Variants in AHNAK2 observed in about 807,000 individuals in gnomAD.
The protein encoded by AHNAK2 is AHNAK nucleoprotein 2.
A neutral mutation model predicts 30.7 loss-of-function variants in AHNAK2; 18 were observed. The ratio of observed to expected loss-of-function variants is 0.59; its 90% CI spans 0.41 to 0.87. The LOEUF is 0.87. AHNAK2 is among the 40% of genes least tolerant of loss of function. The pLI is 0.00. For synonymous variants in AHNAK2, 3,590 were observed against 3,073.8 expected (o/e 1.17, Z -5.56); for missense variants, 8,604 against 7,373.0 (o/e 1.17, Z -6.11).
Position 104,949,063 on chromosome 14 carries a change from G to C in AHNAK2, c.6388C>G (p.Leu2130Val), listed in dbSNP as rs368101654. Residue 2130 changes from leucine (L) to valine (V), a missense_variant, in exon 7 of 7, where the codon CTG becomes GTG. Physicochemically the swap from Leu to Val is conservative, Grantham distance 32. Coordinates refer to ENST00000333244, the MANE Select transcript of AHNAK2 (RefSeq NM_138420.4). ...EVDVQAPRAK[L>V]DSAHLQGDLT... ...TCCCCCTGCAGATGCGCACTATCCA[G>C]CTTGGCTCTTGGGGCCTGGACGTCC... The C allele has an allele frequency of 3.2e-5, 34 of 1,067,962 alleles. 10 individuals are homozygous for C. The Admixed American group carries it at 6.6e-4, about 21-fold the overall frequency. The allele number at this position is 1,067,962 out of a possible 1,614,324, so 66.2% of individuals were successfully genotyped here. A position where few individuals can be genotyped will look rare whatever the true frequency, so the allele number is the denominator to read the frequency against.
chr14:104,948,695 C>T lies in AHNAK2; in HGVS notation c.6756G>A (p.Lys2252=), dbSNP rs368429118. The change falls in exon 7 of 7, where the codon AAG becomes AAA. Residue 2252 remains lysine (K), a synonymous_variant. Transcript: ENST00000333244. ...PSFKVPKVDL[K]GPEIDIKGPK... ...GGCCCTTGATGTCTATTTCGGGGCC[C>T]TTGAGGTCCACTTTGGGCACCTTGA... 5.0e-6 allele frequency: 8 copies of T among 1,609,816 alleles called. No homozygotes were observed. The highest frequency in any genetic ancestry group is 6.8e-6 in the Non-Finnish European group (8 of 1,178,534).
Position 104,945,194 on chromosome 14 carries a change from G to T in AHNAK2, c.10257C>A (p.Asp3419Glu). Residue 3419 changes from aspartate (D) to glutamate (E), a missense_variant, in exon 7 of 7, where the codon GAC (aspartate) becomes GAA (glutamate). Physicochemically the swap from Asp to Glu is conservative, Grantham distance 45. Transcript: ENST00000333244. ...TCACTTCCGCCTTGGGGACTTTTAG[G>T]TCCAGCTTGGGGCCCTTGATGTCCA... Reference protein sequence around the residue: ...PQVDIKGPKLDLKVPKAEVTV... With the variant: ...PQVDIKGPKLELKVPKAEVTV... 2 of 1,613,078 alleles carry T rather than the reference G, an allele frequency of 1.2e-6. No homozygotes were observed. The highest frequency in any genetic ancestry group is 1.7e-6 in the Non-Finnish European group (2 of 1,179,632).
chr14:104,953,757 A>C lies in AHNAK2; in HGVS notation c.1694T>G (p.Ile565Ser). Residue 565 changes from isoleucine to serine, a missense_variant, in exon 7 of 7, where the codon ATC becomes AGC. Physicochemically the swap from Ile to Ser is moderately radical, Grantham distance 142. Transcript: ENST00000333244. ...DGEEGLQRTR[I>S]TEEQDKGRED... ...CCTGCCCTTGTCCTGTTCCTCAGTG[A>C]TCCTTGTCCTCTGTAGTCCTTCCTC... is the stretch of plus-strand genomic sequence containing the variant. 1 of 1,613,550 alleles carries C rather than the reference A, an allele frequency of 6.2e-7. No homozygotes were observed. Among genetic ancestry groups the C allele is most frequent in the Non-Finnish European group, 8.5e-7 (1 of 1,179,836 alleles).
intron 1 of AHNAK2, among the ~76,000 whole-genome samples, chr14:104,973,031 G>A (rs1328114964): frequency 6.6e-6 from 1 of 152,246 alleles, no homozygotes; most frequent in African/African-American, 2.4e-5. Flanking sequence ...CAGCAGGCGG[G>A]TGCTGGGCAG....
At chr14:104,977,735 T>TCCCGGCGGC (rs944469831) in intron 1 of AHNAK2, among the ~76,000 whole-genome samples, 1 of 151,180 alleles carries the variant, frequency 6.6e-6, no homozygotes, top group Non-Finnish European at 1.5e-5. Flanking sequence ...GTGCCCCGGG[T>TCCCGGCGGC]CCCGGCGGCC....
At position 104,943,451 on chromosome 14, in the gene AHNAK2, G is replaced by A. The variant is rs371926103; in HGVS notation, c.12000C>T (p.Ala4000=). Residue 4000 remains alanine (A), a synonymous_variant, in exon 7 of 7, where the codon GCC becomes GCT. Transcript: ENST00000333244. Reference sequence around the variant, plus strand: ...CCTGCATGGAAGGGAGGCTCACGTCGGCCTCCACCTTTGGCGCGGTCACAT... The same window carrying A: ...CCTGCATGGAAGGGAGGCTCACGTCAGCCTCCACCTTTGGCGCGGTCACAT... ...SVDVTAPKVE[A]DVSLPSMQGD... 3.1e-4 allele frequency: 499 copies of A among 1,612,978 alleles called. 2 individuals carry two copies. The highest frequency in any genetic ancestry group is 3.9e-4 in the Non-Finnish European group (465 of 1,179,610).
chr14:104,943,997 T>C lies in AHNAK2; in HGVS notation c.11454A>G (p.Pro3818=), dbSNP rs747651838. 5.6e-6 allele frequency: 9 copies of C among 1,613,088 alleles called. No homozygotes were observed. Among genetic ancestry groups the C allele is most frequent in the Non-Finnish European group, 6.8e-6 (8 of 1,179,572 alleles). ...GCACCGAGGCCTCAATGGACTTGCC[T>C]GGGGCAGACACCCCAAATGACGGCA... The part of the protein sequence containing the change: ...FKMPSFGVSA[P]GKSIEASVHV... The change falls in exon 7 of 7, where the codon CCA becomes CCG. Residue 3818 remains proline, a synonymous_variant. Transcript: ENST00000333244.
At chr14:104,961,237 G>A (rs571256119) in intron 1 of AHNAK2, among the ~76,000 whole-genome samples, 4 of 149,322 alleles carry the variant, frequency 2.7e-5, no homozygotes, top group South Asian at 2.1e-4. Context: ...GTTGTGGGCC[G>A]GGCACGGTGG....
In AHNAK2 at chr14:104,948,365, C is replaced by T. The variant is rs777817288; in HGVS notation, c.7086G>A (p.Lys2362=). The change falls in exon 7 of 7, where the codon AAG becomes AAA. Residue 2362 remains lysine (K), a synonymous_variant. Transcript: ENST00000333244. Reference sequence around the variant, plus strand: ...GGGGCTGAACGCTGAGGTCAGTGGTCTTGAGGTCCCCCTGCATGGAGGGGA... The same window carrying T: ...GGGGCTGAACGCTGAGGTCAGTGGTTTTGAGGTCCCCCTGCATGGAGGGGA... ...VSLPSMQGDL[K]TTDLSVQPPS... 38 of 1,612,714 alleles carry T rather than the reference C, an allele frequency of 2.4e-5. No homozygotes were observed. The highest frequency in any genetic ancestry group is 4.0e-5 in the African/African-American group (3 of 74,472).
In AHNAK2 at chr14:104,944,972, C is replaced by G; in HGVS notation, c.10479G>C (p.Glu3493Asp). 1 of 1,613,154 alleles carries G rather than the reference C, an allele frequency of 6.2e-7. No homozygotes were observed. The highest frequency in any genetic ancestry group is 8.5e-7 in the Non-Finnish European group (1 of 1,179,622). Residue 3493 changes from glutamate to aspartate, a missense_variant, in exon 7 of 7, where the codon GAG becomes GAC. By Grantham distance (45) the Glu-to-Asp change is conservative. Transcript: ENST00000333244. The part of the protein sequence containing the change: ...FGVSAPGRSI[E>D]ASLDVSAPKV... ...TCGGCGCAGACACATCCAGCGAGGC[C>G]TCGATGGACCTGCCTGGGGCCGACA... is the stretch of plus-strand genomic sequence containing the variant.
rs778899251 is a variant in AHNAK2, at chr14:104,939,896, C to T, written c.15555G>A (p.Ser5185=). 63 of 1,613,314 alleles carry T rather than the reference C, an allele frequency of 3.9e-5. No individual in the cohort carries two copies. Among genetic ancestry groups the T allele is most frequent in the Non-Finnish European group, 4.5e-5 (53 of 1,179,916 alleles). Residue 5185 remains serine, a synonymous_variant, in exon 7 of 7, where the codon TCG becomes TCA. Transcript: ENST00000333244. ...TGGGCATTTTAAACCAGCTTTCCTG[C>T]GAGTACTTGGTCATGGCTTCCTCCT... ...SPEEEAMTKY[S]QESWFKMPKF...
Position 104,947,625 on chromosome 14 carries a change from A to C in AHNAK2, c.7826T>G (p.Met2609Arg). 6.2e-7 allele frequency: 1 copy of C among 1,612,616 alleles called. No homozygotes were observed. Among genetic ancestry groups the C allele is most frequent in the Non-Finnish European group, 8.5e-7 (1 of 1,179,552 alleles). Residue 2609 changes from methionine (M) to arginine (R), a missense_variant, in exon 7 of 7, where the codon ATG becomes AGG. By Grantham distance (91) the Met-to-Arg change is moderately conservative. Coordinates refer to ENST00000333244, the MANE Select transcript of AHNAK2 (RefSeq NM_138420.4). Reference sequence around the variant, plus strand: ...GTCCACCTCCATGCTGGACAGAGACATCTCCACATCGGGGGCTGTCACTTC... The same window carrying C: ...GTCCACCTCCATGCTGGACAGAGACCTCTCCACATCGGGGGCTGTCACTTC... ...KAEVTAPDVEMSLSSMEVDVQ... is the reference protein window; with the variant it reads ...KAEVTAPDVERSLSSMEVDVQ...
chr14:104,942,257 A>C lies in AHNAK2; in HGVS notation c.13194T>G (p.Gly4398=), dbSNP rs771334491. ...SFKVPKVDLK[G]PQIDVNVPKL... ...TGGGGACATTAACGTCTATCTGGGG[A>C]CCCTTGAGGTCCACTTTGGGTACCT... The change falls in exon 7 of 7, where the codon GGT becomes GGG. Residue 4398 remains glycine (G), a synonymous_variant. Coordinates refer to ENST00000333244, the MANE Select transcript of AHNAK2 (RefSeq NM_138420.4). 3.1e-6 allele frequency: 5 copies of C among 1,601,714 alleles called. No homozygotes were observed. The African/African-American group carries it at 6.9e-5, about 22-fold the overall frequency.
In AHNAK2 at chr14:104,950,468, G is replaced by C; in HGVS notation, c.4983C>G (p.Pro1661=). 6.3e-7 allele frequency: 1 copy of C among 1,586,754 alleles called. No homozygotes were observed. Among genetic ancestry groups the C allele is most frequent in the East Asian group, 2.3e-5 (1 of 44,176 alleles). ...CCCCAAATGATGGCATCTTGAACTT[G>C]GGCATTTTGAACTTGCTGTCTTTGG... The part of the protein sequence containing the change: ...VTAKDSKFKM[P]KFKMPSFGVS... The change falls in exon 7 of 7, where the codon CCC becomes CCG. Residue 1661 remains proline, a synonymous_variant. Coordinates refer to ENST00000333244, the MANE Select transcript of AHNAK2 (RefSeq NM_138420.4).
At position 104,943,418 on chromosome 14, in the gene AHNAK2, G is replaced by T; in HGVS notation, c.12033C>A (p.Leu4011=). Residue 4011 remains leucine (L), a synonymous_variant, in exon 7 of 7, where the codon CTC becomes CTA. Coordinates refer to ENST00000333244, the MANE Select transcript of AHNAK2 (RefSeq NM_138420.4). The stretch of plus-strand genomic sequence containing the variant: ...GCTGAACGCTGAGGTCAGTGGCCTT[G>T]AGGTCCCCCTGCATGGAAGGGAGGC... ...DVSLPSMQGD[L]KATDLSVQPP... The T allele has an allele frequency of 6.2e-7, 1 of 1,613,034 alleles. No homozygotes were observed. The highest frequency in any genetic ancestry group is 8.5e-7 in the Non-Finnish European group (1 of 1,179,590).
chr14:104,969,478 C>T (rs184361640), intron 1 of AHNAK2, among the ~76,000 whole-genome samples: 4 of 152,260 alleles, frequency 2.6e-5, no homozygotes, highest in African/African-American at 9.6e-5. Flanking sequence ...CTGAGCTTGG[C>T]CACCCTGCCA....
rs200323502 is a variant in AHNAK2, at chr14:104,942,213, G to A, written c.13238C>T (p.Pro4413Leu). The change falls in exon 7 of 7, where the codon CCC (proline) becomes CTC (leucine). Residue 4413 changes from proline to leucine, a missense_variant. Coordinates refer to ENST00000333244, the MANE Select transcript of AHNAK2 (RefSeq NM_138420.4). ...GTTGGGGGACGTCACCTCCACCTTG[G>A]GGCCTTTCAGGTCCAGCTTGGGGAC... Reference protein sequence around the residue: ...VNVPKLDLKGPKVEVTSPNLD... With the variant: ...VNVPKLDLKGLKVEVTSPNLD... The A allele has an allele frequency of 3.1e-6, 5 of 1,612,968 alleles. No homozygotes were observed. Among genetic ancestry groups the A allele is most frequent in the Admixed American group, 1.7e-5 (1 of 59,924 alleles).
intron 1 of AHNAK2, among the ~76,000 whole-genome samples, chr14:104,961,310 C>A (rs577568873): frequency 9.9e-5 from 15 of 151,434 alleles, no homozygotes; most frequent in Admixed American, 4.6e-4. Flanking sequence ...GTCAGGAGAT[C>A]AAAACCATCC....
rs1239228827 is a variant in AHNAK2 at position 104,946,656 on chromosome 14, A to C, written c.8795T>G (p.Val2932Gly). 3.7e-6 allele frequency: 6 copies of C among 1,611,954 alleles called. No homozygotes were observed. The highest frequency in any genetic ancestry group is 5.1e-6 in the Non-Finnish European group (6 of 1,179,408). Residue 2932 changes from valine (V) to glycine (G), a missense_variant, in exon 7 of 7, where the codon GTG (valine) becomes GGG (glycine). Physicochemically the swap from Val to Gly is moderately radical, Grantham distance 109. Transcript: ENST00000333244. ...AGACACCTCCACGTCGGGGGCCGTC[A>C]CCTCCGCCTTGGGGCCTTTCAGGTC... ...KLDLKGPKAE[V>G]TAPDVEVSLP...
Sources: allele counts gnomAD v4.1 joint callset (sites outside exome capture counted in the v4.1 genomes callset), GRCh38; gene constraint gnomAD v4.1.1; transcripts MANE v1.5; gene names NCBI Gene and HGNC (gene_info 2026-07-23, HGNC 2026-07-21).